Variants in EVPL observed in about 807,000 individuals in gnomAD.
EVPL encodes 210 kDa cornified envelope precursor protein.
EVPL carries 94 observed loss-of-function variants against 129.7 expected under a neutral mutation model. The observed-to-expected ratio is 0.72, with a 90% CI of 0.61 to 0.86. The LOEUF (loss-of-function observed/expected upper bound fraction) is 0.86. EVPL is among the 40% of genes least tolerant of loss of function. The pLI is 0.00. For synonymous variants in EVPL, 1,172 were observed against 1,191.1 expected (o/e 0.98, Z 0.33); for missense variants, 2,625 against 2,721.1 (o/e 0.96, Z 0.79).
rs200627249 is a variant in EVPL, at chr17:76,007,140, C to T, written c.6065G>A (p.Arg2022His). 1.6e-4 allele frequency: 237 copies of T among 1,490,174 alleles called. No individual in the cohort carries two copies. The highest frequency in any genetic ancestry group is 6.9e-4 in the East Asian group (30 of 43,498). The allele number at this position is 1,490,174 out of a possible 1,614,324, so 92.3% of individuals were successfully genotyped here. A position where few individuals can be genotyped will look rare whatever the true frequency, so the allele number is the denominator to read the frequency against. The stretch of plus-strand genomic sequence containing the variant: ...GCGCGGGACGGTGGGGGAGGCGGAG[C>T]GGTAGCAGCGGTACCCCTCCAGTGC... ...PAALEGYRCYRSASPTVPRSL... is the reference protein window; with the variant it reads ...PAALEGYRCYHSASPTVPRSL... The change falls in exon 22 of 22, where the codon CGC becomes CAC. Residue 2022 changes from arginine (R) to histidine (H), a missense_variant. This residue lies in a region of EVPL where 1,453 missense variants were observed against 1,511.8 expected (regional missense o/e 0.96). Coordinates refer to ENST00000301607, the MANE Select transcript of EVPL (RefSeq NM_001988.4). This position sits in a 1 kb window ranked among gnomAD's most constrained non-coding sequence, Gnocchi z 8.8.
At position 76,007,158 on chromosome 17, in the gene EVPL, T is replaced by C. The variant is rs1487855154; in HGVS notation, c.6047A>G (p.Glu2016Gly). 6.6e-7 allele frequency: 1 copy of C among 1,508,788 alleles called. No homozygotes were observed. The highest frequency in any genetic ancestry group is 8.9e-7 in the Non-Finnish European group (1 of 1,127,270). The allele number at this position is 1,508,788 out of a possible 1,614,324, so 93.5% of individuals were successfully genotyped here. The change falls in exon 22 of 22, where the codon GAG (glutamate) becomes GGG (glycine). Residue 2016 changes from glutamate to glycine, a missense_variant. Coordinates refer to ENST00000301607, the MANE Select transcript of EVPL (RefSeq NM_001988.4). The surrounding 1 kb of genome is among the most constrained non-coding windows in gnomAD (Gnocchi z 8.8). ...GGCGGAGCGGTAGCAGCGGTACCCC[T>C]CCAGTGCCGCTGGCAGGAGCAGCAG... ...SGLLLLPAAL[E>G]GYRCYRSASP... is the part of the protein sequence containing the mutation.
rs199686324 is a variant in EVPL at position 76,008,226 on chromosome 17, C to T, written c.4979G>A (p.Arg1660Gln). The change falls in exon 22 of 22, where the codon CGG (arginine) becomes CAG (glutamine). Residue 1660 changes from arginine (R) to glutamine (Q), a missense_variant. By Grantham distance (43) the Arg-to-Gln change is conservative (BLOSUM62 1). Transcript: ENST00000301607. The surrounding 1 kb of genome is among the most constrained non-coding windows in gnomAD (Gnocchi z 7.4). ...CCGGCTCACCTTGGCGTGGAGGTCC[C>T]GGAGCGTCCGCTCCTTCTCGTAGAT... ...DQIYEKERTL[R>Q]DLHAKVSREE... 503 of 1,613,954 alleles carry T rather than the reference C, an allele frequency of 3.1e-4. 2 individuals are homozygous for T. The highest frequency in any genetic ancestry group is 1.2e-3 in the Middle Eastern group (7 of 6,062).
chr17:76,015,625 T>G lies in EVPL; in HGVS notation c.1714A>C (p.Thr572Pro), dbSNP rs145488254. 6.3e-5 allele frequency: 102 copies of G among 1,611,978 alleles called. No individual in the cohort carries two copies. The highest frequency in any genetic ancestry group is 3.3e-4 in the Middle Eastern group (2 of 6,052). Reference protein sequence around the residue: ...LEGRIHSHEGTAQRLQSLGTE... With the variant: ...LEGRIHSHEGPAQRLQSLGTE... ...CCCAGGCTCTGCAGGCGCTGGGCTG[T>G]GCCCTAAAGAGGGGCGGGGTCAGGG... is the stretch of plus-strand genomic sequence containing the variant. Residue 572 changes from threonine (T) to proline (P), a missense_variant, in exon 15 of 22, where the codon ACA (threonine) becomes CCA (proline). Physicochemically the swap from Thr to Pro is conservative, Grantham distance 38. Coordinates refer to ENST00000301607, the MANE Select transcript of EVPL (RefSeq NM_001988.4).
At chr17:76,023,247 G>T (rs757076416) in intron 4 of EVPL, 45 bp downstream of exon 4, 1 of 1,610,316 alleles carries the variant, frequency 6.2e-7, no homozygotes, top group Non-Finnish European at 8.5e-7. Flanking sequence ...ATGCAGTTCC[G>T]TATCGCCCTC....
chr17:76,022,010 C>G lies in EVPL; in HGVS notation c.664G>C (p.Gly222Arg). Residue 222 changes from glycine (G) to arginine (R), a missense_variant, in exon 7 of 22, where the codon GGG becomes CGG. Transcript: ENST00000301607. The surrounding 1 kb of genome is among the most constrained non-coding windows in gnomAD (Gnocchi z 5.6). ...RDLLKAASWR[G>R]QSLGSLYTHL... ...GTGTACAGGCTGCCCAGGCTCTGCC[C>G]GCGCCACGACGCCGCCTTCTGTGCT... 6.4e-7 allele frequency: 1 copy of G among 1,555,868 alleles called. No homozygotes were observed. The highest frequency in any genetic ancestry group is 8.6e-7 in the Non-Finnish European group (1 of 1,158,496).
Position 76,008,149 on chromosome 17 carries a change from T to A in EVPL, c.5056A>T (p.Ile1686Phe), listed in dbSNP as rs138112388. Residue 1686 changes from isoleucine (I) to phenylalanine (F), a missense_variant, in exon 22 of 22, where the codon ATC becomes TTC. Transcript: ENST00000301607. This position sits in a 1 kb window ranked among gnomAD's most constrained non-coding sequence, Gnocchi z 7.4. ...QTRETNLSTKISILEPETGKD... is the reference protein window; with the variant it reads ...QTRETNLSTKFSILEPETGKD... ...CCCGTCTCGGGTTCCAGGATGGAGA[T>A]CTTGGTGGAAAGGTTGGTCTCTCGC... 23 of 1,614,078 alleles carry A rather than the reference T, an allele frequency of 1.4e-5. No homozygotes were observed. In the African/African-American group the frequency reaches 2.8e-4, roughly 20 times the overall value.
chr17:76,012,297 A>C, intron 18 of EVPL: 2 of 496,444 alleles, frequency 4.0e-6, no homozygotes, highest in Non-Finnish European at 7.0e-6. Context: ...CCTTGGCAGA[A>C]TCCCTTTCTT....
rs771924343 is a variant in EVPL at position 76,021,986 on chromosome 17, T to G, written c.688A>C (p.Thr230Pro). The G allele has an allele frequency of 6.4e-6, 10 of 1,566,450 alleles. No homozygotes were observed. The highest frequency in any genetic ancestry group is 5.5e-5 in the Admixed American group (3 of 54,878). ...TGCCGCGTGCAGCCCTGGAGGTGCG[T>G]GTACAGGCTGCCCAGGCTCTGCCCG... ...WRGQSLGSLY[T>P]HLQGCTRQLS... The change falls in exon 7 of 22, where the codon ACG becomes CCG. Residue 230 changes from threonine (T) to proline (P), a missense_variant. Thr to Pro is a conservative substitution (Grantham distance 38). Coordinates refer to ENST00000301607, the MANE Select transcript of EVPL (RefSeq NM_001988.4).
intron 1 of EVPL, among the ~76,000 whole-genome samples, chr17:76,025,396 C>A (rs2066491682): frequency 6.6e-6 from 1 of 152,188 alleles, no homozygotes; most frequent in Non-Finnish European, 1.5e-5. Flanking sequence ...AAGTTCATGT[C>A]AAACGAGTGG....
At chr17:76,021,339 A>G (rs1462470333) in intron 9 of EVPL, 129 bp downstream of exon 9, 2 of 838,050 alleles carry the variant, frequency 2.4e-6, no homozygotes, top group Non-Finnish European at 3.8e-6. Context: ...TACAGGTGTG[A>G]GCCACCGCGC....
Position 76,017,785 on chromosome 17 carries a change from C to G in EVPL, c.1664G>C (p.Arg555Pro). 1 of 1,613,136 alleles carries G rather than the reference C, an allele frequency of 6.2e-7. No homozygotes were observed. The highest frequency in any genetic ancestry group is 1.7e-5 in the Admixed American group (1 of 60,016). The change falls in exon 14 of 22, where the codon CGC (arginine) becomes CCC (proline). Residue 555 changes from arginine to proline, a missense_variant. Physicochemically the swap from Arg to Pro is moderately radical, Grantham distance 103. This residue lies in a region of EVPL where 1,024 missense variants were observed against 997.5 expected (regional missense o/e 1.03). Transcript: ENST00000301607. Reference sequence around the variant, plus strand: ...CTCCAAGTCCTCCAAGGGTGTGGGGCGGCTCAGCGGGGCCCGCGCCCAGGC... The same window carrying G: ...CTCCAAGTCCTCCAAGGGTGTGGGGGGGCTCAGCGGGGCCCGCGCCCAGGC... ...VLAWARAPLSRPTPLEDLEGR... is the reference protein window; with the variant it reads ...VLAWARAPLSPPTPLEDLEGR...
At chr17:76,014,361 G>A in intron 18 of EVPL, 65 bp downstream of exon 18, 2 of 1,538,638 alleles carry the variant, frequency 1.3e-6, no homozygotes, top group Non-Finnish European at 1.7e-6. Context: ...CCCTTAGAGC[G>A]CTTCTGAGCT....
rs978621190 is a variant in EVPL, at chr17:76,014,950, G to A, written c.2188C>T (p.Arg730Cys). ...AGCTGGTCCCCTACGGCGTGGTAGC[G>A]GTCGGTGAGGGCTCGCACCTGGCGC... ...QQRQVRALTDRYHAVGDQLDL... is the reference protein window; with the variant it reads ...QQRQVRALTDCYHAVGDQLDL... Residue 730 changes from arginine (R) to cysteine (C), a missense_variant, in exon 17 of 22, where the codon CGC becomes TGC. Arg to Cys is a radical substitution (Grantham distance 180). Around this residue, in one of 4 missense-constraint regions of EVPL, gnomAD observed 1,024 missense variants for 997.5 expected, o/e 1.03. Transcript: ENST00000301607. 3 of 1,592,898 alleles carry A rather than the reference G, an allele frequency of 1.9e-6. No homozygotes were observed. The highest frequency in any genetic ancestry group is 1.3e-5 in the African/African-American group (1 of 74,674).
At position 76,022,076 on chromosome 17, in the gene EVPL, G is replaced by C. The variant is rs373862524; in HGVS notation, c.646-48C>G. ...GCAGCAGGGTGGGGAGACAGAAAGT[G>C]GGGGGCAAAAGGCGCCATTGGGCCG... On this transcript the variant is annotated intron_variant, in intron 6 of 21. Coordinates refer to ENST00000301607, the MANE Select transcript of EVPL (RefSeq NM_001988.4). The surrounding 1 kb of genome is among the most constrained non-coding windows in gnomAD (Gnocchi z 5.6). 1.3e-6 allele frequency: 2 copies of C among 1,563,822 alleles called. No homozygotes were observed. Among genetic ancestry groups the C allele is most frequent in the East Asian group, 2.3e-5 (1 of 43,742 alleles).
In EVPL at chr17:76,007,211, G is replaced by C. The variant is rs758691328; in HGVS notation, c.5994C>G (p.Gly1998=). 8 of 1,557,414 alleles carry C rather than the reference G, an allele frequency of 5.1e-6. No homozygotes were observed. Among genetic ancestry groups the C allele is most frequent in the Non-Finnish European group, 7.0e-6 (8 of 1,149,974 alleles). The change falls in exon 22 of 22, where the codon GGC becomes GGG. Residue 1998 remains glycine, a synonymous_variant. Coordinates refer to ENST00000301607, the MANE Select transcript of EVPL (RefSeq NM_001988.4). This position sits in a 1 kb window ranked among gnomAD's most constrained non-coding sequence, Gnocchi z 8.8. ...CGCTCAGGGGGTCTTTGCGGCAGCG[G>C]CCCATGGCCTCCTTGTAGCTCAGCC... ...KERLSYKEAM[G]RCRKDPLSGL... is the part of the protein sequence containing the mutation.
chr17:76,015,062 T>G lies in EVPL; in HGVS notation c.2076A>C (p.Leu692=), dbSNP rs765228067. 6.9e-6 allele frequency: 11 copies of G among 1,584,490 alleles called. No homozygotes were observed. Among genetic ancestry groups the G allele is most frequent in the Middle Eastern group, 2.1e-4 (1 of 4,724 alleles). Residue 692 remains leucine (L), a synonymous_variant, in exon 17 of 22, where the codon CTA becomes CTC. Transcript: ENST00000301607. ...LLEQQTCVLR[L]HRALKASEHA... is the part of the protein sequence containing the mutation. Reference sequence around the variant, plus strand: ...GCTCCGAGGCCTTCAGCGCGCGGTGTAGCCGCAGCACGCAGGTCTGCTGTT... The same window carrying G: ...GCTCCGAGGCCTTCAGCGCGCGGTGGAGCCGCAGCACGCAGGTCTGCTGTT...
Position 76,018,147 on chromosome 17 carries a change from G to C in EVPL, c.1537+14C>G. On this transcript the variant is annotated intron_variant, in intron 13 of 21. Transcript: ENST00000301607. ...TAGCCCCACAGCCACCTCTCCCCGG[G>C]CCACCCTGGGTACCCTGCTGGCTGG... 6.4e-7 allele frequency: 1 copy of C among 1,550,722 alleles called. No individual in the cohort carries two copies. Among genetic ancestry groups the C allele is most frequent in the Non-Finnish European group, 8.7e-7 (1 of 1,146,788 alleles).
At chr17:76,026,320 C>T (rs1277401724) in intron 1 of EVPL, among the ~76,000 whole-genome samples, 20 of 150,934 alleles carry the variant, frequency 1.3e-4, no homozygotes, top group African/African-American at 4.9e-4. Flanking sequence ...TCATGGCTCA[C>T]TGCAGCCTCA....
At position 76,008,265 on chromosome 17, in the gene EVPL, C is replaced by G. The variant is rs780354838; in HGVS notation, c.4940G>C (p.Arg1647Pro). ...CTTCTCGTAGATCTGGTCCTTCTCG[C>G]GGAGGATGGCCGCCTCCAGCCGCGA... is the stretch of plus-strand genomic sequence containing the variant. ...ELSRLEAAIL[R>P]EKDQIYEKER... is the part of the protein sequence containing the mutation. Residue 1647 changes from arginine to proline, a missense_variant, in exon 22 of 22, where the codon CGC becomes CCC. Transcript: ENST00000301607. This position sits in a 1 kb window ranked among gnomAD's most constrained non-coding sequence, Gnocchi z 7.4. 2.5e-6 allele frequency: 4 copies of G among 1,612,640 alleles called. No individual in the cohort carries two copies. The highest frequency in any genetic ancestry group is 1.3e-5 in the African/African-American group (1 of 74,946).
Sources: allele counts gnomAD v4.1 joint callset (sites outside exome capture counted in the v4.1 genomes callset), GRCh38; gene constraint gnomAD v4.1.1; regional missense constraint gnomAD v4.1.1; non-coding constraint Gnocchi (gnomAD v3.1); transcripts MANE v1.5; gene names NCBI Gene and HGNC (gene_info 2026-07-23, HGNC 2026-07-21).